The following SUCLG2 variants were observed in gnomAD, a reference collection of about 807,000 sequenced individuals.
SUCLG2 encodes the protein succinate--CoA ligase [GDP-forming] subunit beta, mitochondrial.
Under a neutral mutation model 47.9 loss-of-function variants are expected in SUCLG2, and 42 were observed. The ratio of observed to expected loss-of-function variants is 0.88; its 90% CI spans 0.69 to 1.14. The LOEUF is 1.14. Among genes scored for constraint, SUCLG2 ranks in the 50% most tolerant of loss-of-function variants. The pLI is 0.00. For missense variants in SUCLG2, 571 were observed against 525.9 expected (o/e 1.09, Z -0.84); for synonymous variants, 195 against 197.3 (o/e 0.99, Z 0.10).
chr3:67,549,686 G>T (rs1415637410), intron 2 of SUCLG2, among the ~76,000 whole-genome samples: 3 of 152,144 alleles, frequency 2.0e-5, no homozygotes, highest in Non-Finnish European at 4.4e-5. Flanking sequence ...GGTAAGAGGA[G>T]TAACAGTACA....
intron 9 of SUCLG2, among the ~76,000 whole-genome samples, chr3:67,493,476 T>C (rs1244807381): frequency 6.6e-6 from 1 of 152,110 alleles, no homozygotes; most frequent in African/African-American, 2.4e-5. Context: ...AAGAGAGTGG[T>C]TTTTTTAAAA....
chr3:67,443,570 G>A (rs529475501), intron 9 of SUCLG2, among the ~76,000 whole-genome samples: 14 of 64,148 alleles, frequency 2.2e-4, no homozygotes, highest in African/African-American at 7.7e-4. Flanking sequence ...AGTGAGGAGC[G>A]TCTCCGCCCG....
At chr3:67,615,640 A>G (rs1700614101) in intron 1 of SUCLG2, among the ~76,000 whole-genome samples, 1 of 151,840 alleles carries the variant, frequency 6.6e-6, no homozygotes, top group Admixed American at 6.6e-5. Flanking sequence ...ACACACACAC[A>G]CACACACACA....
chr3:67,410,885 TA>T (rs368059390), intron 9 of SUCLG2, among the ~76,000 whole-genome samples: 23 of 152,346 alleles, frequency 1.5e-4, no homozygotes, highest in African/African-American at 4.8e-4. Flanking sequence ...TATAATGCAG[TA>T]TCTATATTTT....
intron 9 of SUCLG2, among the ~76,000 whole-genome samples, chr3:67,478,021 T>C (rs1051030235): frequency 3.3e-5 from 5 of 152,236 alleles, no homozygotes; most frequent in Admixed American, 6.5e-5. Context: ...GTCTACTTTA[T>C]AGATGAAGAA....
At chr3:67,642,514 A>G (rs1245894376) in intron 1 of SUCLG2, among the ~76,000 whole-genome samples, 2 of 152,090 alleles carry the variant, frequency 1.3e-5, no homozygotes, top group Non-Finnish European at 2.9e-5. Context: ...GGAGGCTGAG[A>G]ACAGAGGATT....
intron 9 of SUCLG2, among the ~76,000 whole-genome samples, chr3:67,423,368 C>T (rs1214910005): frequency 1.3e-5 from 2 of 152,184 alleles, no homozygotes; most frequent in Non-Finnish European, 2.9e-5. Context: ...ATTACCCAGT[C>T]TCAGGTGTTC....
chr3:67,402,968 C>T (rs1268644124), intron 9 of SUCLG2, among the ~76,000 whole-genome samples: 3 of 152,052 alleles, frequency 2.0e-5, no homozygotes, highest in African/African-American at 4.8e-5. Context: ...GGCTTGAGAC[C>T]CTGTGATTCA....
At chr3:67,622,001 C>T (rs901915423) in intron 1 of SUCLG2, among the ~76,000 whole-genome samples, 1 of 152,098 alleles carries the variant, frequency 6.6e-6, no homozygotes, top group African/African-American at 2.4e-5. Flanking sequence ...TCAATCTCAG[C>T]GGGCAACAGG....
intron 10 of SUCLG2, among the ~76,000 whole-genome samples, chr3:67,393,017 GA>G (rs111804795): frequency 0.073 from 10,950 of 150,518 alleles, 406 homozygotes; most frequent in Middle Eastern, 0.14. Flanking sequence ...CTCACAGTAA[GA>G]AAAAAAAAAT....
At chr3:67,556,522 T>A (rs1164112334) in intron 2 of SUCLG2, among the ~76,000 whole-genome samples, 1 of 152,190 alleles carries the variant, frequency 6.6e-6, no homozygotes, top group Non-Finnish European at 1.5e-5. Flanking sequence ...ATTAAATTTT[T>A]AAAATATCAA....
chr3:67,621,741 G>C (rs1207994598), intron 1 of SUCLG2, among the ~76,000 whole-genome samples: 2 of 152,092 alleles, frequency 1.3e-5, no homozygotes, highest in Admixed American at 1.3e-4. Context: ...TGCAGAAGAG[G>C]TCTCATCAGC....
chr3:67,652,965 C>T (rs4856792), intron 1 of SUCLG2, among the ~76,000 whole-genome samples: 151,855 of 152,366 alleles, frequency 1, 75,673 homozygotes, highest in Non-Finnish European at 1. Flanking sequence ...ATGTAAATCA[C>T]AGTAACCAGA....
intron 2 of SUCLG2, among the ~76,000 whole-genome samples, chr3:67,548,721 A>T (rs1706931871): frequency 6.6e-6 from 1 of 152,236 alleles, no homozygotes; most frequent in Non-Finnish European, 1.5e-5. Context: ...TCCTTAGGAC[A>T]AATGAGCGAA....
At chr3:67,552,399 G>A (rs913619860) in intron 2 of SUCLG2, among the ~76,000 whole-genome samples, 1 of 152,114 alleles carries the variant, frequency 6.6e-6, no homozygotes, top group Non-Finnish European at 1.5e-5. Flanking sequence ...CTCTATTGGT[G>A]TATTCATGTA....
At chr3:67,410,551 C>G (rs183052239) in intron 9 of SUCLG2, among the ~76,000 whole-genome samples, 7 of 152,276 alleles carry the variant, frequency 4.6e-5, no homozygotes, top group Admixed American at 4.6e-4. Flanking sequence ...ATCAGAACCA[C>G]TGCCATGATT....
chr3:67,508,504 A>G (rs748990706), intron 7 of SUCLG2, among the ~76,000 whole-genome samples: 5 of 152,146 alleles, frequency 3.3e-5, no homozygotes, highest in Non-Finnish European at 7.3e-5. Context: ...TCTTGGCCTC[A>G]AGTGATCCTC....
intron 2 of SUCLG2, among the ~76,000 whole-genome samples, chr3:67,552,099 G>A (rs1300201791): frequency 6.6e-6 from 1 of 150,604 alleles, no homozygotes; most frequent in East Asian, 2.0e-4. Context: ...ATGGCTTCTG[G>A]GGAAACTGAC....
chr3:67,459,686 T>C (rs1397109924), intron 9 of SUCLG2, among the ~76,000 whole-genome samples: 1 of 152,236 alleles, frequency 6.6e-6, no homozygotes, highest in Non-Finnish European at 1.5e-5. Context: ...ATTTGGATGC[T>C]AGGAACAAAG....
Sources: gnomAD v4.1 joint callset for allele counts (sites outside exome capture counted in the v4.1 genomes callset) on GRCh38, gnomAD v4.1.1 for gene constraint, MANE v1.5 for transcripts, NCBI Gene and HGNC (gene_info 2026-07-23, HGNC 2026-07-21) for gene names.